KCNE1: variants seen among roughly 807,000 people sequenced by gnomAD.
KCNE1 encodes potassium voltage-gated channel subfamily E regulatory subunit 1.
Under a neutral mutation model 2.9 loss-of-function variants are expected in KCNE1, and 1 was observed. The observed-to-expected ratio is 0.34, with a 90% CI of 0.12 to 1.62. The LOEUF is 1.62. Among genes scored for constraint, KCNE1 ranks in the 40% most tolerant of loss-of-function variants. The pLI is 0.36. For missense variants in KCNE1, 45 were observed against 150.5 expected (o/e 0.30, Z 3.67); for synonymous variants, 23 against 65.4 (o/e 0.35, Z 3.13).
intron 2 of KCNE1, among the ~76,000 whole-genome samples, chr21:34,505,202 C>T (rs1013506325): frequency 2.6e-5 from 4 of 152,242 alleles, no homozygotes; most frequent in South Asian, 2.1e-4. Context: ...GGCGTGATCT[C>T]GGCTCACTGC....
chr21:34,508,403 C>T (rs928997619), intron 2 of KCNE1, among the ~76,000 whole-genome samples: 6 of 151,932 alleles, frequency 3.9e-5, no homozygotes, highest in African/African-American at 7.3e-5. Context: ...AGTGCAATGG[C>T]GCCATCTCAG....
intron 2 of KCNE1, among the ~76,000 whole-genome samples, chr21:34,481,451 G>A (rs8133365): frequency 1.5e-4 from 1 of 6,640 alleles, no homozygotes; most frequent in African/African-American, 1.4e-3. Context: ...TCCGCAGTCC[G>A]GCCTGGGTGA....
At position 34,449,342 on chromosome 21, in the gene KCNE1, C is replaced by T. The variant is rs150454912; in HGVS notation, c.293G>A (p.Arg98Gln). The T allele has an allele frequency of 3.6e-5, 57 of 1,584,134 alleles. 1 individual carries two copies. Among genetic ancestry groups the T allele is most frequent in the African/African-American group, 5.6e-5 (4 of 71,878 alleles). ...QEKDKAYVQA[R>Q]VLESYRSCYV... ...GCACGACCTGTAGCTCTCCAGGACC[C>T]GGGCCTGGACATAGGCCTTGTCCTT... Residue 98 changes from arginine to glutamine, a missense_variant, in exon 4 of 4, where the codon CGG (arginine) becomes CAG (glutamine). By Grantham distance (43) the Arg-to-Gln change is conservative. Coordinates refer to ENST00000399286, the MANE Select transcript of KCNE1 (RefSeq NM_000219.6).
chr21:34,449,383 G>T lies in KCNE1; in HGVS notation c.252C>A (p.Ser84=), dbSNP rs138884514. ...SNDPFNVYIE[S]DAWQEKDKAY... ...CCTTGTCCTTCTCTTGCCAGGCATC[G>T]GACTCGATGTAGACGTTGAATGGGT... The change falls in exon 4 of 4, where the codon TCC becomes TCA. Residue 84 remains serine (S), a synonymous_variant. Transcript: ENST00000399286. The T allele has an allele frequency of 6.2e-7, 1 of 1,605,108 alleles. No homozygotes were observed. Among genetic ancestry groups the T allele is most frequent in the Non-Finnish European group, 8.5e-7 (1 of 1,175,988 alleles).
chr21:34,505,974 A>G (rs573869976), intron 2 of KCNE1, among the ~76,000 whole-genome samples: 1 of 152,378 alleles, frequency 6.6e-6, no homozygotes, highest in Admixed American at 6.5e-5. Context: ...TTTTAACTAC[A>G]GTATTTTTAA....
chr21:34,499,255 C>A (rs1983010274), intron 2 of KCNE1, among the ~76,000 whole-genome samples: 1 of 152,200 alleles, frequency 6.6e-6, no homozygotes, highest in Non-Finnish European at 1.5e-5. Flanking sequence ...CTAACAGCAC[C>A]AAGTTTATCT....
chr21:34,509,039 T>G (rs373347164), intron 2 of KCNE1, among the ~76,000 whole-genome samples: 29 of 152,348 alleles, frequency 1.9e-4, no homozygotes, highest in African/African-American at 6.7e-4. Flanking sequence ...TTCATCACCT[T>G]GGTTTCTGTG....
At chr21:34,497,148 A>G (rs1321359739) in intron 2 of KCNE1, among the ~76,000 whole-genome samples, 3 of 152,204 alleles carry the variant, frequency 2.0e-5, no homozygotes, top group Non-Finnish European at 4.4e-5. Context: ...GGAGCATTTA[A>G]GCCATTTACA....
chr21:34,507,602 G>A (rs577650762), intron 2 of KCNE1, among the ~76,000 whole-genome samples: 3 of 152,298 alleles, frequency 2.0e-5, no homozygotes, highest in Non-Finnish European at 4.4e-5. Flanking sequence ...TGAGGGACGG[G>A]GTACCCCAGA....
intron 2 of KCNE1, among the ~76,000 whole-genome samples, chr21:34,498,355 T>TC (rs1486881793): frequency 3.9e-5 from 6 of 152,372 alleles, no homozygotes; most frequent in African/African-American, 1.4e-4. Context: ...GATCTGGAAC[T>TC]CAAGGGCTGC....
intron 3 of KCNE1, among the ~76,000 whole-genome samples, chr21:34,452,019 A>AGGCC (rs1981340953): frequency 1.9e-5 from 1 of 52,966 alleles, no homozygotes; most frequent in Non-Finnish European, 3.5e-5. Flanking sequence ...CCCATCTTGA[A>AGGCC]GGCCTTCCTT....
chr21:34,508,676 TAGAA>T (rs1368952262), intron 2 of KCNE1, among the ~76,000 whole-genome samples: 2 of 152,146 alleles, frequency 1.3e-5, no homozygotes, highest in African/African-American at 2.4e-5. Flanking sequence ...TATTTTTTAA[TAGAA>T]AGCATGCAAA....
intron 2 of KCNE1, among the ~76,000 whole-genome samples, chr21:34,501,721 A>G (rs776316383): frequency 3.9e-5 from 6 of 152,208 alleles, no homozygotes; most frequent in Non-Finnish European, 7.3e-5. Flanking sequence ...CTCTAAGTAC[A>G]TGGGCCCCAG....
At chr21:34,499,287 C>T (rs1010647912) in intron 2 of KCNE1, among the ~76,000 whole-genome samples, 1 of 152,230 alleles carries the variant, frequency 6.6e-6, no homozygotes, top group Non-Finnish European at 1.5e-5. Flanking sequence ...ATGCTCTGGA[C>T]TCAGACCTTG....
At position 34,511,147 on chromosome 21, in the gene KCNE1, C is replaced by G. The variant is rs1219043755; in HGVS notation, c.-208G>C. Reference sequence around the variant, plus strand: ...CCTCAAGCACACTGCGGTGTCCACACCATTGGCAGCAGGCTCCTTCTCTTC... The same window carrying G: ...CCTCAAGCACACTGCGGTGTCCACAGCATTGGCAGCAGGCTCCTTCTCTTC... On this transcript the variant is annotated 5_prime_UTR_variant, in exon 2 of 4. Coordinates refer to ENST00000399286, the MANE Select transcript of KCNE1 (RefSeq NM_000219.6). 1.9e-5 allele frequency: 19 copies of G among 985,706 alleles called. No individual in the cohort carries two copies. The highest frequency in any genetic ancestry group is 2.3e-5 in the Non-Finnish European group (19 of 830,132). The allele number at this position is 985,706 out of a possible 1,614,324, so 61.1% of individuals were successfully genotyped here. A position where few individuals can be genotyped will look rare whatever the true frequency, so the allele number is the denominator to read the frequency against.
intron 2 of KCNE1, among the ~76,000 whole-genome samples, chr21:34,499,141 C>T (rs1320451175): frequency 1.3e-5 from 2 of 152,142 alleles, no homozygotes; most frequent in Admixed American, 6.5e-5. Flanking sequence ...ATTATGGCTG[C>T]GTCTGTTGCA....
chr21:34,499,430 G>C (rs1328541702), intron 2 of KCNE1, among the ~76,000 whole-genome samples: 2 of 152,162 alleles, frequency 1.3e-5, no homozygotes, highest in Non-Finnish European at 2.9e-5. Context: ...TCCGGATTCT[G>C]TTCAAGAGAA....
At chr21:34,501,566 G>T (rs1028865608) in intron 2 of KCNE1, among the ~76,000 whole-genome samples, 19 of 152,212 alleles carry the variant, frequency 1.2e-4, no homozygotes, top group Non-Finnish European at 2.8e-4. Flanking sequence ...TTAGGACCTA[G>T]AAATAGATTT....
chr21:34,511,035 G>A, intron 2 of KCNE1, 66 bp downstream of exon 2: 2 of 516,382 alleles, frequency 3.9e-6, no homozygotes, highest in Non-Finnish European at 5.0e-6. Flanking sequence ...ATGTCAGGGT[G>A]GGCATGAGGG....
Sources: allele counts gnomAD v4.1 joint callset (sites outside exome capture counted in the v4.1 genomes callset), GRCh38; gene constraint gnomAD v4.1.1; transcripts MANE v1.5; gene names NCBI Gene and HGNC (gene_info 2026-07-23, HGNC 2026-07-21).